TENM2: variants seen among roughly 807,000 people sequenced by gnomAD.
The protein encoded by TENM2 is teneurin transmembrane protein 2.
A neutral mutation model predicts 245.2 loss-of-function variants in TENM2; 52 were observed. That is an observed-to-expected ratio of 0.21 (90% CI 0.17 to 0.27). TENM2 has a LOEUF of 0.27. Ranked by LOEUF, TENM2 falls within the 10% of genes least tolerant of loss-of-function variation. TENM2 has a pLI of 1.00. For synonymous variants in TENM2, 1,363 were observed against 1,438.9 expected, an observed-to-expected ratio of 0.95 and a Z score of 1.19; for missense variants, 3,046 against 3,666.8, an observed-to-expected ratio of 0.83 and a Z score of 4.37.
chr5:168,002,252 C>G (rs2152045003), intron 5 of TENM2, among the ~76,000 whole-genome samples: 1 of 152,232 alleles, frequency 6.6e-6, no homozygotes, highest in East Asian at 1.9e-4. Context: ...TGAGTTAGGT[C>G]ATTTGTGGGG....
chr5:167,958,822 G>T (rs1195045904), intron 4 of TENM2, among the ~76,000 whole-genome samples: 3 of 152,066 alleles, frequency 2.0e-5, no homozygotes, highest in Non-Finnish European at 4.4e-5. Flanking sequence ...CTCTCTTCTG[G>T]CTTGTAGCGT....
chr5:167,570,299 A>G (rs1429672877), intron 2 of TENM2, among the ~76,000 whole-genome samples: 2 of 152,056 alleles, frequency 1.3e-5, no homozygotes, highest in Non-Finnish European at 2.9e-5. Flanking sequence ...ACATAAGATA[A>G]TGAAATAAAA....
chr5:167,357,767 C>T (rs1003436245), intron 1 of TENM2, among the ~76,000 whole-genome samples: 5 of 152,120 alleles, frequency 3.3e-5, no homozygotes, highest in African/African-American at 1.2e-4. Context: ...TCCTTTGATT[C>T]TGTTCTTCAG....
rs1038581245 is a variant in TENM2 at position 167,677,428 on chromosome 5, T to A, written c.503-198558T>A. On this transcript the variant is annotated intron_variant, in intron 2 of 28. Transcript: ENST00000518659. Reference sequence around the variant, plus strand: ...TTTTTTTTTTCTTTTTAAGACATTATAATTTGTTAGAACTTTTTGGTTTCT... The same window carrying A: ...TTTTTTTTTTCTTTTTAAGACATTAAAATTTGTTAGAACTTTTTGGTTTCT... 1.8e-4 allele frequency among the ~76,000 whole-genome samples: 28 copies of A among 151,822 alleles called. 1 individual carries two copies. The highest frequency in any genetic ancestry group is 6.8e-4 in the African/African-American group (28 of 41,378).
chr5:167,406,300 G>A (rs1162238719), intron 2 of TENM2, among the ~76,000 whole-genome samples: 3 of 152,122 alleles, frequency 2.0e-5, no homozygotes, highest in African/African-American at 7.2e-5. Context: ...CTTCTTTACA[G>A]CCTGACATTA....
At chr5:166,988,404 C>T in the TENM2 span, among the ~76,000 whole-genome samples, 1 of 152,202 alleles carries the variant, frequency 6.6e-6, no homozygotes, top group African/African-American at 2.4e-5. Flanking sequence ...AATTGTTTAT[C>T]TCTTACTGCC....
chr5:167,102,095 A>G, the TENM2 span, among the ~76,000 whole-genome samples: 1 of 150,740 alleles, frequency 6.6e-6, no homozygotes, highest in East Asian at 2.0e-4. Flanking sequence ...GTGTGGTGGC[A>G]CGTGGCTGTA....
At chr5:167,016,438 A>G in the TENM2 span, among the ~76,000 whole-genome samples, 3 of 152,176 alleles carry the variant, frequency 2.0e-5, no homozygotes, top group African/African-American at 7.2e-5. Flanking sequence ...AAATAAGACC[A>G]AAACCTTACG....
the TENM2 span, among the ~76,000 whole-genome samples, chr5:167,131,999 T>C: frequency 6.6e-6 from 1 of 152,036 alleles, no homozygotes; most frequent in East Asian, 1.9e-4. Flanking sequence ...ATTTTTGTAT[T>C]TTTAGTGGAG....
At chr5:167,823,493 C>T (rs968131047) in intron 2 of TENM2, among the ~76,000 whole-genome samples, 1 of 152,160 alleles carries the variant, frequency 6.6e-6, no homozygotes, top group African/African-American at 2.4e-5. Context: ...TTGCCTCCTG[C>T]ACCATTTCTG....
the TENM2 span, among the ~76,000 whole-genome samples, chr5:167,115,969 C>T: frequency 3.3e-5 from 5 of 152,112 alleles, no homozygotes; most frequent in Non-Finnish European, 7.4e-5. Flanking sequence ...CACATGCACA[C>T]CTAATAGGAC....
chr5:168,199,012 C>A (rs1169124169), exon 16 of TENM2: 2 of 1,613,996 alleles, frequency 1.2e-6, no homozygotes. Flanking sequence ...CCAGCTGTGA[C>A]CTCAGTGGCT....
At chr5:167,313,535 G>T (rs1378060107) in intron 1 of TENM2, among the ~76,000 whole-genome samples, 1 of 152,136 alleles carries the variant, frequency 6.6e-6, no homozygotes, top group Non-Finnish European at 1.5e-5. Context: ...TACTCAGGCG[G>T]CTGAGGCAGG....
chr5:167,486,285 CAATAAT>C (rs1263402658), intron 2 of TENM2, among the ~76,000 whole-genome samples: 6 of 151,350 alleles, frequency 4.0e-5, no homozygotes, highest in South Asian at 4.2e-4. Flanking sequence ...AACAGTCTGA[CAATAAT>C]AATAGTTATT....
intron 3 of TENM2, among the ~76,000 whole-genome samples, chr5:167,889,491 A>G (rs1281850890): frequency 6.6e-6 from 1 of 151,970 alleles, no homozygotes; most frequent in Non-Finnish European, 1.5e-5. Flanking sequence ...TCCCAAGGTT[A>G]TTTTCATCTC....
At chr5:167,366,260 C>T (rs1330305920) in intron 1 of TENM2, among the ~76,000 whole-genome samples, 1 of 151,910 alleles carries the variant, frequency 6.6e-6, no homozygotes, top group Admixed American at 6.6e-5. Flanking sequence ...TTTATGTCAA[C>T]CTATTTGAAA....
At position 168,262,594 on chromosome 5, in the gene TENM2, C is replaced by T. The variant is rs775809281; in HGVS notation, c.8109C>T (p.Ala2703=). The change falls in exon 29 of 29, where the codon GCC becomes GCT. Residue 2703 remains alanine (A), a synonymous_variant. Transcript: ENST00000518659. ...TCCTGGACCAGGCGAGACAGAGGGC[C>T]CTGGGCACGGCCTGGGCCAAGGAGC... 4.4e-5 allele frequency: 70 copies of T among 1,578,228 alleles called. No individual in the cohort carries two copies. The South Asian group carries it at 8.0e-4, about 18-fold the overall frequency.
intron 2 of TENM2, among the ~76,000 whole-genome samples, chr5:167,521,796 C>A (rs946254046): frequency 6.6e-6 from 1 of 152,114 alleles, no homozygotes; most frequent in Non-Finnish European, 1.5e-5. Flanking sequence ...GCTAATACAG[C>A]ACTGTGTTAG....
chr5:166,980,415 C>G, the TENM2 span, among the ~76,000 whole-genome samples: 1 of 152,172 alleles, frequency 6.6e-6, no homozygotes, highest in Non-Finnish European at 1.5e-5. Context: ...AAATTGAACT[C>G]TAACTCTTTT....
Sources: gnomAD v4.1 joint callset for allele counts (sites outside exome capture counted in the v4.1 genomes callset) on GRCh38, gnomAD v4.1.1 for gene constraint, MANE v1.5 for transcripts, NCBI Gene and HGNC (gene_info 2026-07-23, HGNC 2026-07-21) for gene names.